Variants in CERS6 observed in about 807,000 individuals in gnomAD.
CERS6 encodes the protein ceramide synthase 6.
Under a neutral mutation model 56.8 loss-of-function variants are expected in CERS6, and 26 were observed. That is an observed-to-expected ratio of 0.46 (90% CI 0.34 to 0.63). The LOEUF (loss-of-function observed/expected upper bound fraction) is 0.63. Among genes scored for constraint, CERS6 ranks in the 30% least tolerant of loss-of-function variants. The pLI, the probability that CERS6 is intolerant of heterozygous loss-of-function variation, is 0.01. For missense variants in CERS6, 415 were observed against 467.5 expected (o/e 0.89, Z 1.04); for synonymous variants, 164 against 173.3 (o/e 0.95, Z 0.42).
chr2:168,681,884 G>A (rs1387617112), intron 4 of CERS6, among the ~76,000 whole-genome samples: 1 of 152,064 alleles, frequency 6.6e-6, no homozygotes, highest in African/African-American at 2.4e-5. Context: ...GAGAACCTGA[G>A]GTACTTGTCT....
chr2:168,582,639 T>C (rs1235358244), intron 3 of CERS6, among the ~76,000 whole-genome samples: 1 of 152,180 alleles, frequency 6.6e-6, no homozygotes, highest in Non-Finnish European at 1.5e-5. Flanking sequence ...TTTTGAAAAC[T>C]AGAATTTTCA....
intron 6 of CERS6, among the ~76,000 whole-genome samples, chr2:168,709,130 T>A (rs1055729410): frequency 2.0e-5 from 3 of 152,116 alleles, no homozygotes; most frequent in Non-Finnish European, 4.4e-5. Context: ...TTATTGTACA[T>A]AAAATTCCCC....
At chr2:168,766,728 A>G (rs1684741009) in intron 9 of CERS6, among the ~76,000 whole-genome samples, 1 of 152,220 alleles carries the variant, frequency 6.6e-6, no homozygotes, top group African/African-American at 2.4e-5. Flanking sequence ...GGATCAACAC[A>G]TTGCAGAATG....
Position 168,456,303 on chromosome 2 carries a change from C to T in CERS6, c.-146C>T, listed in dbSNP as rs1466250884. 7 of 306,564 alleles carry T rather than the reference C, an allele frequency of 2.3e-5. No homozygotes were observed. Among genetic ancestry groups the T allele is most frequent in the African/African-American group, 6.8e-5 (3 of 44,228 alleles). The allele number at this position is 306,564 out of a possible 1,614,324, so 19.0% of individuals were successfully genotyped here. On this transcript the variant is annotated 5_prime_UTR_variant, in exon 1 of 10. Coordinates refer to ENST00000305747, the MANE Select transcript of CERS6 (RefSeq NM_203463.3). This position sits in a 1 kb window ranked among gnomAD's most constrained non-coding sequence, Gnocchi z 4.1. The stretch of plus-strand genomic sequence containing the variant: ...CGCCGCGAGCCTTCGAGAGCAGCGG[C>T]CGCGGAGGAGGCGGCGGCGGCGGGC...
intron 8 of CERS6, among the ~76,000 whole-genome samples, chr2:168,755,696 CCTTT>C (rs1318395828): frequency 1.3e-4 from 20 of 152,338 alleles, no homozygotes; most frequent in Admixed American, 3.3e-4. Flanking sequence ...ACTATAGCAG[CCTTT>C]CTGTGTTTCT....
chr2:168,561,951 A>G (rs1236031322), intron 3 of CERS6, among the ~76,000 whole-genome samples: 1 of 152,210 alleles, frequency 6.6e-6, no homozygotes, highest in African/African-American at 2.4e-5. Context: ...GTGATACTTC[A>G]TGCACTTACC....
chr2:168,656,278 T>C (rs1685466193), intron 4 of CERS6, among the ~76,000 whole-genome samples: 1 of 152,250 alleles, frequency 6.6e-6, no homozygotes. Flanking sequence ...TGTTCTGTAG[T>C]AAGCTTTATA....
At chr2:168,674,110 G>A (rs1685992330) in intron 4 of CERS6, among the ~76,000 whole-genome samples, 1 of 152,096 alleles carries the variant, frequency 6.6e-6, no homozygotes, top group African/African-American at 2.4e-5. Flanking sequence ...ATTTTAAAAA[G>A]CAAGTCAAAT....
chr2:168,717,243 T>G (rs1262241064), intron 7 of CERS6, among the ~76,000 whole-genome samples: 1 of 152,156 alleles, frequency 6.6e-6, no homozygotes, highest in East Asian at 1.9e-4. Flanking sequence ...TTCATGTAGT[T>G]TTGAAAATTC....
intron 2 of CERS6, among the ~76,000 whole-genome samples, chr2:168,557,974 G>C (rs1247460422): frequency 2.6e-5 from 4 of 151,998 alleles, no homozygotes; most frequent in African/African-American, 9.7e-5. Flanking sequence ...AAAATAGGCA[G>C]TAGATATGAA....
At chr2:168,465,976 C>T (rs928896678) in intron 1 of CERS6, among the ~76,000 whole-genome samples, 1 of 151,550 alleles carries the variant, frequency 6.6e-6, no homozygotes, top group Admixed American at 6.6e-5. Context: ...AACAAACATC[C>T]CAGTTCTGTT....
intron 6 of CERS6, among the ~76,000 whole-genome samples, chr2:168,702,263 T>G (rs1482998493): frequency 6.6e-6 from 1 of 152,244 alleles, no homozygotes; most frequent in Non-Finnish European, 1.5e-5. Context: ...TGCAATGGTG[T>G]CTGTCTTAAG....
intron 1 of CERS6, among the ~76,000 whole-genome samples, chr2:168,542,142 G>T (rs935167354): frequency 6.6e-6 from 1 of 151,986 alleles, no homozygotes; most frequent in Non-Finnish European, 1.5e-5. Context: ...TGGGTGGAGA[G>T]AGTGTGGTGT....
At chr2:168,549,059 T>C (rs1695517720) in intron 2 of CERS6, among the ~76,000 whole-genome samples, 1 of 152,210 alleles carries the variant, frequency 6.6e-6, no homozygotes, top group African/African-American at 2.4e-5. Context: ...AAAGCAGGTG[T>C]GTAGGGACTT....
chr2:168,743,414 C>G (rs945195577), intron 8 of CERS6, among the ~76,000 whole-genome samples: 6 of 152,194 alleles, frequency 3.9e-5, no homozygotes, highest in Admixed American at 2.6e-4. Flanking sequence ...GCAGGCTGAT[C>G]ACTTGAGCCT....
intron 4 of CERS6, among the ~76,000 whole-genome samples, chr2:168,659,901 A>C (rs1685584756): frequency 6.6e-6 from 1 of 152,214 alleles, no homozygotes; most frequent in Admixed American, 6.5e-5. Context: ...TCCATTAAAA[A>C]GCTAAAATTG....
At chr2:168,727,661 T>C (rs1170272926) in intron 8 of CERS6, among the ~76,000 whole-genome samples, 1 of 152,220 alleles carries the variant, frequency 6.6e-6, no homozygotes, top group Non-Finnish European at 1.5e-5. Flanking sequence ...TTATCTGATT[T>C]ATTTTTCAAA....
chr2:168,767,937 A>G (rs960145589), intron 9 of CERS6, among the ~76,000 whole-genome samples: 1 of 152,254 alleles, frequency 6.6e-6, no homozygotes, highest in Non-Finnish European at 1.5e-5. Flanking sequence ...ACTGAAAAAT[A>G]TAAGTAAGCA....
intron 4 of CERS6, among the ~76,000 whole-genome samples, chr2:168,634,306 G>A (rs998190807): frequency 1.3e-5 from 2 of 152,102 alleles, no homozygotes; most frequent in Admixed American, 1.3e-4. Context: ...AATACTTAAG[G>A]TGCTCTGAAG....
Sources: allele counts gnomAD v4.1 joint callset (sites outside exome capture counted in the v4.1 genomes callset), GRCh38; gene constraint gnomAD v4.1.1; non-coding constraint Gnocchi (gnomAD v3.1); transcripts MANE v1.5; gene names NCBI Gene and HGNC (gene_info 2026-07-23, HGNC 2026-07-21).